GLT1D1: variants seen among roughly 807,000 people sequenced by gnomAD.
The protein encoded by GLT1D1 is glycosyltransferase 1 domain-containing protein 1.
GLT1D1 carries 21 observed loss-of-function variants against 28.7 expected under a neutral mutation model. That is an observed-to-expected ratio of 0.73 (90% confidence interval 0.52 to 1.05). The LOEUF is 1.05. Among genes scored for constraint, GLT1D1 ranks in the 50% least tolerant of loss-of-function variants. The pLI is 0.00. For missense variants in GLT1D1, 343 were observed against 330.6 expected, an observed-to-expected ratio of 1.04 and a Z score of -0.29; for synonymous variants, 147 against 124.8, an observed-to-expected ratio of 1.18 and a Z score of -1.19.
intron 3 of GLT1D1, among the ~76,000 whole-genome samples, chr12:128,893,062 T>A (rs1016541675): frequency 2.6e-5 from 4 of 151,954 alleles, no homozygotes; most frequent in Non-Finnish European, 5.9e-5. Flanking sequence ...CTGGCCAACA[T>A]GGGGAAACTC....
chr12:128,926,586 G>T, intron 4 of GLT1D1, 132 bp downstream of exon 7: 1 of 547,464 alleles, frequency 1.8e-6, no homozygotes, highest in South Asian at 2.5e-5. Flanking sequence ...TTTCTAGATT[G>T]CTACTTTGGA....
chr12:128,906,300 A>G (rs1166630183), intron 4 of GLT1D1, among the ~76,000 whole-genome samples: 1 of 152,210 alleles, frequency 6.6e-6, no homozygotes, highest in Non-Finnish European at 1.5e-5. Flanking sequence ...AAACTTGAGT[A>G]CTTCTAGTTC....
intron 1 of GLT1D1, among the ~76,000 whole-genome samples, chr12:128,871,001 A>C (rs1477873839): frequency 6.6e-6 from 1 of 152,130 alleles, no homozygotes; most frequent in South Asian, 2.1e-4. Context: ...AAAAACAAAC[A>C]AACAAAAACA....
intron 3 of GLT1D1, among the ~76,000 whole-genome samples, chr12:128,898,722 G>A (rs997394683): frequency 1.3e-5 from 2 of 152,192 alleles, no homozygotes; most frequent in African/African-American, 4.8e-5. Context: ...CAAACATAAT[G>A]TTAATAAATA....
chr12:128,901,072 T>C (rs1337900313), intron 4 of GLT1D1, among the ~76,000 whole-genome samples: 3 of 152,212 alleles, frequency 2.0e-5, no homozygotes, highest in East Asian at 3.8e-4. Context: ...TAAATAATAA[T>C]GCAAAGCCTT....
At chr12:128,970,613 C>T (rs1878942035) in intron 7 of GLT1D1, among the ~76,000 whole-genome samples, 1 of 152,370 alleles carries the variant, frequency 6.6e-6, no homozygotes, top group Admixed American at 6.5e-5. Context: ...CTTGCGCTGC[C>T]CCCTCCTCGT....
chr12:128,956,769 T>G (rs909847142), intron 6 of GLT1D1, among the ~76,000 whole-genome samples: 1 of 152,242 alleles, frequency 6.6e-6, no homozygotes, highest in African/African-American at 2.4e-5. Context: ...GAATCAGGTA[T>G]TTTTGAAATT....
chr12:128,931,611 C>T (rs915545033), intron 4 of GLT1D1, among the ~76,000 whole-genome samples: 1 of 152,070 alleles, frequency 6.6e-6, no homozygotes, highest in Non-Finnish European at 1.5e-5. Context: ...CCTGGCCCCC[C>T]TTTTACTACT....
intron 1 of GLT1D1, among the ~76,000 whole-genome samples, chr12:128,864,518 G>A (rs766440734): frequency 2.9e-4 from 44 of 151,890 alleles, no homozygotes; most frequent in Admixed American, 7.9e-4. Flanking sequence ...ATCTTGTTCC[G>A]CAGGAGTAGT....
At chr12:128,947,929 CG>C (rs1475859849) in intron 6 of GLT1D1, among the ~76,000 whole-genome samples, 1 of 152,236 alleles carries the variant, frequency 6.6e-6, no homozygotes, top group East Asian at 1.9e-4. Flanking sequence ...TCGTAGATGA[CG>C]GGGTGGCGTG....
At chr12:128,965,478 A>G (rs1053558103) in intron 7 of GLT1D1, among the ~76,000 whole-genome samples, 1 of 152,198 alleles carries the variant, frequency 6.6e-6, no homozygotes, top group African/African-American at 2.4e-5. Context: ...CAGCTCTGCT[A>G]TGTCTGTGCC....
At chr12:128,976,005 T>C (rs1041301854) in intron 7 of GLT1D1, among the ~76,000 whole-genome samples, 15 of 152,162 alleles carry the variant, frequency 9.9e-5, no homozygotes, top group African/African-American at 3.6e-4. Context: ...CATGGTCACA[T>C]TGATGTGTCG....
At chr12:128,908,405 TTTCTTTC>T in intron 4 of GLT1D1, among the ~76,000 whole-genome samples, 1 of 129,208 alleles carries the variant, frequency 7.7e-6, no homozygotes, top group Non-Finnish European at 1.5e-5. Context: ...TCTCTCTCTC[TTTCTTTC>T]TTTCTTTTTC....
At chr12:128,911,211 T>C (rs1251671640) in intron 4 of GLT1D1, among the ~76,000 whole-genome samples, 1 of 152,200 alleles carries the variant, frequency 6.6e-6, no homozygotes, top group Non-Finnish European at 1.5e-5. Flanking sequence ...ATCATATGGG[T>C]GAGCCACCAT....
At chr12:128,883,154 G>C (rs1957097771) in intron 2 of GLT1D1, among the ~76,000 whole-genome samples, 1 of 151,132 alleles carries the variant, frequency 6.6e-6, no homozygotes, top group South Asian at 2.1e-4. Context: ...TCCATCTCCT[G>C]ACCTCGTTAT....
At chr12:128,967,470 T>C (rs1269815202) in intron 7 of GLT1D1, among the ~76,000 whole-genome samples, 1 of 152,108 alleles carries the variant, frequency 6.6e-6, no homozygotes, top group Non-Finnish European at 1.5e-5. Flanking sequence ...GATCATGACC[T>C]CTCTTTGGGG....
chr12:128,930,328 A>G (rs1235123333), intron 4 of GLT1D1: 1 of 152,262 alleles, frequency 6.6e-6, no homozygotes, highest in African/African-American at 2.4e-5. Flanking sequence ...CAACAACAGT[A>G]TCTAGAAGGC....
chr12:128,867,734 A>C (rs1956582568), intron 1 of GLT1D1, among the ~76,000 whole-genome samples: 2 of 152,174 alleles, frequency 1.3e-5, no homozygotes, highest in African/African-American at 2.4e-5. Flanking sequence ...CTTACTACAG[A>C]AAGACTGGGG....
intron 4 of GLT1D1, chr12:128,926,427 C>T: frequency 1.3e-6 from 2 of 1,528,448 alleles, no homozygotes; most frequent in Non-Finnish European, 1.8e-6. Context: ...AGTTAAGGAT[C>T]CTCTCTATCT....
Sources: allele counts gnomAD v4.1 joint callset (sites outside exome capture counted in the v4.1 genomes callset), GRCh38; gene constraint gnomAD v4.1.1; transcripts MANE v1.5; gene names NCBI Gene and HGNC (gene_info 2026-07-23, HGNC 2026-07-21).